Variants in NEXMIF observed in about 807,000 individuals in gnomAD.
The protein encoded by NEXMIF is neurite extension and migration factor, also known as XLMR protein related to neurite extension.
Under a neutral mutation model 62.1 loss-of-function variants are expected in NEXMIF, and 8 were observed. That is an observed-to-expected ratio of 0.13 (90% CI 0.08 to 0.23). NEXMIF has a LOEUF of 0.23. Ranked by LOEUF, NEXMIF falls within the 10% of genes least tolerant of loss-of-function variation. The probability of loss-of-function intolerance (pLI) is 1.00; values close to 1 mark genes in which losing one functional copy is unlikely to be tolerated. For missense variants in NEXMIF, 976 were observed against 1,113.3 expected (o/e 0.88, Z 1.75); for synonymous variants, 404 against 416.6 (o/e 0.97, Z 0.37).
At chrX:74,868,775 TTAAAA>T (rs1293852759) in intron 1 of NEXMIF, among the ~76,000 whole-genome samples, 6 of 110,612 alleles carry the variant, frequency 5.4e-5, no homozygotes, top group African/African-American at 9.8e-5. Context: ...ATCCCAGAGC[TTAAAA>T]TAAAATAAAA....
intron 1 of NEXMIF, among the ~76,000 whole-genome samples, chrX:74,793,285 A>G (rs1369417037): frequency 2.1e-4 from 23 of 110,134 alleles, no homozygotes; most frequent in African/African-American, 7.6e-4. Context: ...CTTTTCTTTA[A>G]GCATGTTGAA....
At chrX:74,890,482 A>AAATAAAAAAACTT (rs2080714094) in intron 1 of NEXMIF, among the ~76,000 whole-genome samples, 1 of 111,195 alleles carries the variant, frequency 9.0e-6, no homozygotes. Context: ...TCCTAGACAA[A>AAATAAAAAAACTT]AATAAAAAAA....
At chrX:74,859,919 A>C (rs1578813) in intron 1 of NEXMIF, among the ~76,000 whole-genome samples, 36,002 of 109,812 alleles carry the variant, frequency 0.33, 7,992 homozygotes, top group East Asian at 0.93. Context: ...GGAATTAAAT[A>C]ACACCACCTA....
Position 74,826,764 on chromosome X carries a change from A to G in NEXMIF, c.-47-81067T>C, listed in dbSNP as rs190730237. On this transcript the variant is annotated intron_variant, in intron 1 of 3. Coordinates refer to ENST00000055682, the MANE Select transcript of NEXMIF (RefSeq NM_001008537.3). The stretch of plus-strand genomic sequence containing the variant: ...GTTTCAGGCTTACATTTAAGTCTTT[A>G]TTCCATTTTGAGTTGACTTTTATAG... 2.1e-3 allele frequency among the ~76,000 whole-genome samples: 228 copies of G among 111,210 alleles called. 1 individual carries two copies. Among genetic ancestry groups the G allele is most frequent in the African/African-American group, 6.6e-3 (202 of 30,560 alleles).
intron 1 of NEXMIF, among the ~76,000 whole-genome samples, chrX:74,879,022 T>C (rs1048347951): frequency 8.9e-6 from 1 of 112,260 alleles, no homozygotes; most frequent in African/African-American, 3.2e-5. Context: ...CCTCGCATTA[T>C]TTTTTATCTT....
At chrX:74,880,502 C>T (rs1243361084) in intron 1 of NEXMIF, among the ~76,000 whole-genome samples, 1 of 111,540 alleles carries the variant, frequency 9.0e-6, no homozygotes, top group African/African-American at 3.3e-5. Flanking sequence ...ACAAACGTTA[C>T]AATTCTGTGC....
chrX:74,836,726 G>A (rs2080458027), intron 1 of NEXMIF, among the ~76,000 whole-genome samples: 1 of 111,538 alleles, frequency 9.0e-6, no homozygotes, highest in Non-Finnish European at 1.9e-5. Flanking sequence ...AGACAATTTC[G>A]TTGCTGTGAA....
intron 1 of NEXMIF, among the ~76,000 whole-genome samples, chrX:74,826,958 C>A (rs1602241551): frequency 8.9e-6 from 1 of 111,762 alleles, no homozygotes; most frequent in East Asian, 2.8e-4. Flanking sequence ...TAAAATTAGT[C>A]AAAGACATAG....
rs756059247 is a variant in NEXMIF at position 74,827,925 on chromosome X, G to A, written c.-47-82228C>T. Among the ~76,000 whole-genome samples the A allele has an allele frequency of 4.5e-5, 5 of 112,274 alleles. No individual in the cohort carries two copies. In the South Asian group the frequency reaches 1.5e-3, roughly 33 times the overall value. On this transcript the variant is annotated intron_variant, in intron 1 of 3. Coordinates refer to ENST00000055682, the MANE Select transcript of NEXMIF (RefSeq NM_001008537.3). ...TTGTCTTGTTGCCTTCATGGGTGGA[G>A]AGCACAGGAGCCAGATGAAAACAGA... is the stretch of plus-strand genomic sequence containing the variant.
chrX:74,907,567 C>T (rs2080773562), intron 1 of NEXMIF, among the ~76,000 whole-genome samples: 1 of 110,728 alleles, frequency 9.0e-6, no homozygotes, highest in Admixed American at 9.6e-5. Context: ...CTAGACCAAG[C>T]CTCCATTTCA....
intron 1 of NEXMIF, among the ~76,000 whole-genome samples, chrX:74,911,408 GA>G (rs1025519302): frequency 9.0e-6 from 1 of 110,719 alleles, no homozygotes; most frequent in East Asian, 2.8e-4. Flanking sequence ...CCTTCTCAAA[GA>G]AAAAAAAGTA....
chrX:74,873,788 T>A (rs1040344568), intron 1 of NEXMIF, among the ~76,000 whole-genome samples: 1 of 112,324 alleles, frequency 8.9e-6, no homozygotes. Flanking sequence ...CATAAATGTC[T>A]TTTTTTCAGA....
rs976095119 is a variant in NEXMIF at position 74,735,394 on chromosome X, C to T, written c.*4011G>A. 1.8e-5 allele frequency: 2 copies of T among 111,491 alleles called. No homozygotes were observed. Among genetic ancestry groups the T allele is most frequent in the Non-Finnish European group, 3.8e-5 (2 of 53,122 alleles). 9.2% of individuals were successfully genotyped at this position (111,491 alleles called of 1,213,427 possible). On this transcript the variant is annotated 3_prime_UTR_variant, in exon 4 of 4. Transcript: ENST00000055682. ...TCCAGCTTGGTAATAGCAAGCATGGCTAAAAGGTCCTTGGATATGGTTTTT... is the reference window on the plus strand; with the variant it reads ...TCCAGCTTGGTAATAGCAAGCATGGTTAAAAGGTCCTTGGATATGGTTTTT...
At chrX:74,826,284 C>A (rs1171358899) in intron 1 of NEXMIF, among the ~76,000 whole-genome samples, 2 of 111,845 alleles carry the variant, frequency 1.8e-5, no homozygotes, top group African/African-American at 6.5e-5. Context: ...AGCTTTTTTT[C>A]ATATGATTGC....
At chrX:74,845,037 T>C (rs1569354047) in intron 1 of NEXMIF, among the ~76,000 whole-genome samples, 2 of 112,332 alleles carry the variant, frequency 1.8e-5, no homozygotes, top group African/African-American at 6.5e-5. Context: ...AGGGAAGCTA[T>C]TGGTAAAGAG....
chrX:74,835,806 C>G (rs1285865914), intron 1 of NEXMIF, among the ~76,000 whole-genome samples: 1 of 111,732 alleles, frequency 8.9e-6, no homozygotes, highest in Non-Finnish European at 1.9e-5. Flanking sequence ...GGCTCTACAA[C>G]CAGCAGGTGG....
intron 1 of NEXMIF, among the ~76,000 whole-genome samples, chrX:74,842,204 T>C (rs1415638480): frequency 1.8e-5 from 2 of 111,557 alleles, no homozygotes; most frequent in Non-Finnish European, 3.8e-5. Flanking sequence ...GGCTCAGTCT[T>C]GGGAGAGAGT....
At chrX:74,801,661 C>G (rs1341940195) in intron 1 of NEXMIF, among the ~76,000 whole-genome samples, 3 of 112,166 alleles carry the variant, frequency 2.7e-5, no homozygotes, top group African/African-American at 6.5e-5. Context: ...GGGCAAGACT[C>G]CTGCCTGAGA....
At chrX:74,834,636 G>A (rs1016449836) in intron 1 of NEXMIF, among the ~76,000 whole-genome samples, 3 of 111,768 alleles carry the variant, frequency 2.7e-5, no homozygotes, top group Non-Finnish European at 5.6e-5. Flanking sequence ...CTCTCTCCTG[G>A]CCTGTAAGGT....
Sources: gnomAD v4.1 joint callset for allele counts (sites outside exome capture counted in the v4.1 genomes callset) on GRCh38, gnomAD v4.1.1 for gene constraint, MANE v1.5 for transcripts, NCBI Gene and HGNC (gene_info 2026-07-23, HGNC 2026-07-21) for gene names.